The following MIPOL1 variants were observed in gnomAD, a reference collection of about 807,000 sequenced individuals.
MIPOL1 encodes the protein mirror-image polydactyly 1, also known as mirror-image polydactyly gene 1 protein.
In MIPOL1, 57 loss-of-function variants were observed where a neutral mutation model predicts 60.9. The ratio of observed to expected loss-of-function variants is 0.94; its 90% CI spans 0.76 to 1.17. The LOEUF (loss-of-function observed/expected upper bound fraction) is 1.17, where lower values mean the gene tolerates loss of function less well. MIPOL1 is among the 50% of genes most tolerant of loss of function. The pLI is 0.00. For synonymous variants in MIPOL1, 179 were observed against 168.8 expected (o/e 1.06, Z -0.47); for missense variants, 551 against 511.6 (o/e 1.08, Z -0.74).
At chr14:37,358,348 A>G (rs1198577828) in intron 9 of MIPOL1, among the ~76,000 whole-genome samples, 4 of 152,164 alleles carry the variant, frequency 2.6e-5, no homozygotes, top group Non-Finnish European at 5.9e-5. Context: ...CTTTGGGTAT[A>G]TATCCAGCAA....
At chr14:37,405,889 CTTTT>C (rs1275914696) in intron 10 of MIPOL1, among the ~76,000 whole-genome samples, 2 of 140,690 alleles carry the variant, frequency 1.4e-5, no homozygotes, top group Non-Finnish European at 3.0e-5. Context: ...AAATATTTTC[CTTTT>C]TTAAGAGTTT....
chr14:37,221,001 C>CGACA (rs763260326), intron 1 of MIPOL1, among the ~76,000 whole-genome samples: 4 of 151,786 alleles, frequency 2.6e-5, no homozygotes, highest in Non-Finnish European at 5.9e-5. Context: ...TAAGCCGTAC[C>CGACA]GACACATATT....
At chr14:37,485,247 G>A (rs1199003518) in intron 11 of MIPOL1, among the ~76,000 whole-genome samples, 2 of 152,136 alleles carry the variant, frequency 1.3e-5, no homozygotes, top group Admixed American at 6.5e-5. Context: ...GGGCATTTGG[G>A]TTGATTCCAA....
At chr14:37,397,450 T>C (rs2093395774) in intron 10 of MIPOL1, among the ~76,000 whole-genome samples, 1 of 152,158 alleles carries the variant, frequency 6.6e-6, no homozygotes, top group Non-Finnish European at 1.5e-5. Context: ...TAATGTTCTA[T>C]TTTTGTGCTG....
rs996526307 is a variant in MIPOL1 at position 37,549,640 on chromosome 14, A to G, written c.*2669A>G. ...TTTTACTCTTGCAATTTCTGTTGTG[A>G]TAGTACCATCTCTTTCACATACTAC... On this transcript the variant is annotated 3_prime_UTR_variant, in exon 13 of 13. Transcript: ENST00000684589. The G allele has an allele frequency of 1.3e-5, 2 of 151,922 alleles. No individual in the cohort carries two copies. The highest frequency in any genetic ancestry group is 2.9e-5 in the Non-Finnish European group (2 of 67,834). 9.4% of individuals were successfully genotyped at this position (151,922 alleles called of 1,614,324 possible). A position where few individuals can be genotyped will look rare whatever the true frequency, so the allele number is the denominator to read the frequency against.
chr14:37,539,048 A>G (rs1318849888), intron 12 of MIPOL1, among the ~76,000 whole-genome samples: 1 of 152,008 alleles, frequency 6.6e-6, no homozygotes, highest in African/African-American at 2.4e-5. Context: ...TAAAAATACA[A>G]AAAATTAGCC....
intron 9 of MIPOL1, among the ~76,000 whole-genome samples, chr14:37,326,298 A>C (rs1194676235): frequency 1.3e-5 from 2 of 152,196 alleles, no homozygotes; most frequent in Non-Finnish European, 2.9e-5. Flanking sequence ...GAATTCCTTG[A>C]GCACAGGCTC....
intron 1 of MIPOL1, among the ~76,000 whole-genome samples, chr14:37,203,545 C>G (rs1965627885): frequency 6.6e-6 from 1 of 152,128 alleles, no homozygotes. Context: ...TGAGGGTGAA[C>G]TAGACCTAGA....
At chr14:37,498,179 T>C (rs2095161127) in intron 11 of MIPOL1, among the ~76,000 whole-genome samples, 1 of 152,196 alleles carries the variant, frequency 6.6e-6, no homozygotes, top group South Asian at 2.1e-4. Context: ...GGATTAGTAC[T>C]TACCTTTTGG....
chr14:37,444,042 A>G (rs1950530), intron 11 of MIPOL1, among the ~76,000 whole-genome samples: 148,653 of 152,166 alleles, frequency 0.98, 72,704 homozygotes, highest in East Asian at 1. Flanking sequence ...TCTATGTAAG[A>G]TCAAGAACAA....
intron 1 of MIPOL1, among the ~76,000 whole-genome samples, chr14:37,219,077 G>C (rs1302794566): frequency 6.6e-6 from 1 of 152,150 alleles, no homozygotes. Flanking sequence ...ATAGGCAAAT[G>C]GGACTTTACA....
intron 9 of MIPOL1, among the ~76,000 whole-genome samples, chr14:37,321,671 G>A (rs918688951): frequency 6.6e-6 from 1 of 152,038 alleles, no homozygotes; most frequent in South Asian, 2.1e-4. Context: ...CAAGAGAGAT[G>A]TTTAAAGTAT....
At chr14:37,268,547 C>T in intron 4 of MIPOL1, 111 bp from the exon 5 acceptor site, 1 of 778,552 alleles carries the variant, frequency 1.3e-6, no homozygotes, top group Non-Finnish European at 2.0e-6. Flanking sequence ...TTTTCCTTTC[C>T]CTTCCTTTAT....
chr14:37,271,527 T>A (rs2083300817), intron 6 of MIPOL1, among the ~76,000 whole-genome samples: 1 of 151,892 alleles, frequency 6.6e-6, no homozygotes, highest in Non-Finnish European at 1.5e-5. Context: ...ATAACAAAGA[T>A]GACCATAAAT....
chr14:37,236,011 C>G (rs1228415628), intron 1 of MIPOL1, among the ~76,000 whole-genome samples: 1 of 151,936 alleles, frequency 6.6e-6, no homozygotes, highest in Admixed American at 6.6e-5. Context: ...ACTGCAACCT[C>G]CGCCTCCCGG....
At chr14:37,351,864 G>C (rs995170422) in intron 9 of MIPOL1, among the ~76,000 whole-genome samples, 9 of 150,874 alleles carry the variant, frequency 6.0e-5, no homozygotes, top group Admixed American at 1.3e-4. Context: ...TAGGTTGCCT[G>C]TTCACTCTGA....
At chr14:37,362,747 A>G (rs1343688276) in intron 9 of MIPOL1, among the ~76,000 whole-genome samples, 2 of 152,126 alleles carry the variant, frequency 1.3e-5, no homozygotes, top group East Asian at 1.9e-4. Flanking sequence ...CGGTACACCA[A>G]TCAAATGTAG....
intron 1 of MIPOL1, among the ~76,000 whole-genome samples, chr14:37,229,747 G>A (rs1970322635): frequency 6.6e-6 from 1 of 152,034 alleles, no homozygotes; most frequent in Non-Finnish European, 1.5e-5. Flanking sequence ...TTTTTGTCAT[G>A]ATTCAAAAAT....
chr14:37,330,427 C>A (rs1462704948), intron 9 of MIPOL1, among the ~76,000 whole-genome samples: 1 of 152,028 alleles, frequency 6.6e-6, no homozygotes, highest in Non-Finnish European at 1.5e-5. Flanking sequence ...ACATAGTGTT[C>A]TTAAATTTTA....
Sources: gnomAD v4.1 joint callset for allele counts (sites outside exome capture counted in the v4.1 genomes callset) on GRCh38, gnomAD v4.1.1 for gene constraint, MANE v1.5 for transcripts, NCBI Gene and HGNC (gene_info 2026-07-23, HGNC 2026-07-21) for gene names.